The following MEIS1 variants were observed in gnomAD, a reference collection of about 807,000 sequenced individuals.
MEIS1 encodes the protein Meis homeobox 1, also known as homeobox protein Meis1.
Under a neutral mutation model 50.8 loss-of-function variants are expected in MEIS1, and 5 were observed. That is an observed-to-expected ratio of 0.10 (90% CI 0.05 to 0.21). The LOEUF is 0.21. Among genes scored for constraint, MEIS1 ranks in the 10% least tolerant of loss-of-function variants. MEIS1 has a pLI of 1.00. For missense variants in MEIS1, 318 were observed against 517.3 expected (o/e 0.61, Z 3.74); for synonymous variants, 176 against 179.3 (o/e 0.98, Z 0.15).
intron 3 of MEIS1, 86 bp downstream of exon 3, chr2:66,440,070 C>CACACACAA: frequency 1.2e-6 from 1 of 812,244 alleles, no homozygotes; most frequent in Non-Finnish European, 1.8e-6. Flanking sequence ...CGCGCGCGAA[C>CACACACAA]ACACACACAC....
intron 6 of MEIS1, among the ~76,000 whole-genome samples, chr2:66,449,030 T>G (rs1178662278): frequency 6.6e-6 from 1 of 152,126 alleles, no homozygotes; most frequent in Non-Finnish European, 1.5e-5. Flanking sequence ...AACAAAATTT[T>G]TTGCCATTTC....
At chr2:66,440,658 C>T (rs1671950013) in intron 4 of MEIS1, 46 bp downstream of exon 4, 2 of 1,315,468 alleles carry the variant, frequency 1.5e-6, no homozygotes, top group Admixed American at 2.0e-5. Context: ...GACCCCCTAC[C>T]TCCCACCTCC....
chr2:66,443,220 G>T (rs982189434), intron 6 of MEIS1, 172 bp downstream of exon 6: 14 of 685,696 alleles, frequency 2.0e-5, no homozygotes, highest in South Asian at 1.7e-4. Context: ...GCTTCATTAA[G>T]GCTGGCTCTG....
intron 7 of MEIS1, among the ~76,000 whole-genome samples, chr2:66,497,983 T>C (rs1313877598): frequency 2.6e-5 from 4 of 151,904 alleles, no homozygotes; most frequent in African/African-American, 9.7e-5. Flanking sequence ...AAGGCTTTTT[T>C]TGGGGGGCTG....
intron 7 of MEIS1, among the ~76,000 whole-genome samples, chr2:66,466,128 TC>T (rs1358102072): frequency 1.3e-5 from 2 of 152,184 alleles, no homozygotes; most frequent in Non-Finnish European, 1.5e-5. Flanking sequence ...AGTGGGTCTA[TC>T]CCCACTTGAC....
chr2:66,530,437 G>A (rs1031588691), intron 8 of MEIS1, among the ~76,000 whole-genome samples: 2 of 151,570 alleles, frequency 1.3e-5, no homozygotes, highest in Admixed American at 6.6e-5. Context: ...CCATGGGGCC[G>A]GGTACGGTGG....
chr2:66,555,719 T>A (rs1367394280), intron 9 of MEIS1, among the ~76,000 whole-genome samples: 1 of 152,158 alleles, frequency 6.6e-6, no homozygotes. Context: ...GGAAGCGCAG[T>A]ACCCAGAGAG....
intron 7 of MEIS1, among the ~76,000 whole-genome samples, chr2:66,469,483 T>G (rs1360469751): frequency 2.0e-5 from 3 of 152,228 alleles, no homozygotes; most frequent in African/African-American, 7.2e-5. Context: ...GGCCACATTA[T>G]GTTCCAGATG....
At chr2:66,462,197 TA>T in intron 6 of MEIS1, among the ~76,000 whole-genome samples, 1 of 152,312 alleles carries the variant, frequency 6.6e-6, no homozygotes, top group Non-Finnish European at 1.5e-5. Context: ...TTAATCAGAT[TA>T]ACAAACATGC....
chr2:66,568,857 AGCTGGCT>A (rs1260908915), intron 11 of MEIS1, 101 bp downstream of exon 11: 2 of 1,221,928 alleles, frequency 1.6e-6, no homozygotes, highest in African/African-American at 3.0e-5. Context: ...TGTTATCTCA[AGCTGGCT>A]GCCTTGCCTT....
At chr2:66,552,368 G>T (rs1349479810) in intron 9 of MEIS1, among the ~76,000 whole-genome samples, 1 of 152,096 alleles carries the variant, frequency 6.6e-6, no homozygotes, top group Non-Finnish European at 1.5e-5. Flanking sequence ...ATCCCTTTAT[G>T]CTCTGAGAAG....
intron 7 of MEIS1, among the ~76,000 whole-genome samples, chr2:66,492,824 A>G (rs923260093): frequency 7.9e-5 from 12 of 152,122 alleles, no homozygotes; most frequent in African/African-American, 2.9e-4. Flanking sequence ...TTGTTGTTTT[A>G]TTCAGGACAC....
At chr2:66,452,122 T>A (rs1370756684) in intron 6 of MEIS1, among the ~76,000 whole-genome samples, 1 of 151,872 alleles carries the variant, frequency 6.6e-6, no homozygotes, top group Non-Finnish European at 1.5e-5. Context: ...GCATTTTGGG[T>A]TTAGTTGCAA....
intron 8 of MEIS1, among the ~76,000 whole-genome samples, chr2:66,534,056 C>G (rs1558553772): frequency 6.6e-6 from 1 of 152,032 alleles, no homozygotes; most frequent in Non-Finnish European, 1.5e-5. Flanking sequence ...TATGCCAGAC[C>G]CTATGCTAAG....
intron 8 of MEIS1, among the ~76,000 whole-genome samples, chr2:66,526,843 A>G (rs529558716): frequency 6.6e-6 from 1 of 152,346 alleles, no homozygotes; most frequent in East Asian, 1.9e-4. Flanking sequence ...AGTGGTGGGC[A>G]AGAGATATAG....
At chr2:66,496,513 T>C (rs1186243405) in intron 7 of MEIS1, among the ~76,000 whole-genome samples, 2 of 152,148 alleles carry the variant, frequency 1.3e-5, no homozygotes, top group East Asian at 3.9e-4. Flanking sequence ...TCATAACTTT[T>C]CTATTAGCAG....
intron 7 of MEIS1, among the ~76,000 whole-genome samples, chr2:66,498,883 T>C (rs1014911165): frequency 6.6e-6 from 1 of 152,188 alleles, no homozygotes; most frequent in African/African-American, 2.4e-5. Context: ...CCCTACTGAA[T>C]CTAAAGCTGC....
chr2:66,475,276 A>G (rs918133771), intron 7 of MEIS1, among the ~76,000 whole-genome samples: 7 of 146,634 alleles, frequency 4.8e-5, no homozygotes, highest in Admixed American at 1.4e-4. Context: ...ATAATATATT[A>G]TATATAAAAA....
chr2:66,568,939 T>A, intron 11 of MEIS1, 111 bp from the exon 12 acceptor site: 1 of 1,132,160 alleles, frequency 8.8e-7, no homozygotes. Flanking sequence ...ACTGAAGATC[T>A]CACTATTTCT....
Sources: allele counts gnomAD v4.1 joint callset (sites outside exome capture counted in the v4.1 genomes callset), GRCh38; gene constraint gnomAD v4.1.1; transcripts MANE v1.5; gene names NCBI Gene and HGNC (gene_info 2026-07-23, HGNC 2026-07-21).